Variants in TYR observed in about 807,000 individuals in gnomAD.
TYR encodes the protein LB24-AB.
A neutral mutation model predicts 51.5 loss-of-function variants in TYR; 58 were observed. The observed-to-expected ratio is 1.13, with a 90% confidence interval of 0.91 to 1.40. The LOEUF (loss-of-function observed/expected upper bound fraction) is 1.40, where lower values mean the gene tolerates loss of function less well. TYR is among the 40% of genes most tolerant of loss of function. TYR has a pLI of 0.00. For missense variants in TYR, 732 were observed against 647.4 expected, an observed-to-expected ratio of 1.13 and a Z score of -1.42; for synonymous variants, 263 against 235.2, an observed-to-expected ratio of 1.12 and a Z score of -1.08.
chr11:89,191,414 G>A lies in TYR; in HGVS notation c.1032G>A (p.Leu344=), dbSNP rs762432765. The A allele has an allele frequency of 1.9e-6, 3 of 1,612,808 alleles. No homozygotes were observed. Among genetic ancestry groups the A allele is most frequent in the Middle Eastern group, 1.7e-4 (1 of 6,052 alleles). The change falls in exon 2 of 5, where the codon CTG becomes CTA. Residue 344 remains leucine (L), a synonymous_variant. Transcript: ENST00000263321. ...CCAATTTCAGCTTTAGAAATACACT[G>A]GAAGGTAATCTCTTTCTTTTCACTT... ...KAANFSFRNT[L]EGFASPLTGI... is the part of the protein sequence containing the mutation.
intron 3 of TYR, among the ~76,000 whole-genome samples, chr11:89,237,763 A>C (rs1944137089): frequency 6.6e-6 from 1 of 152,130 alleles, no homozygotes; most frequent in African/African-American, 2.4e-5. Context: ...TTGAAACTGC[A>C]GATTGCTTTA....
rs182517099 is a variant in TYR, at chr11:89,247,483, C to G, written c.1184+19513C>G. Among the ~76,000 whole-genome samples, 50 of 152,150 alleles carry G rather than the reference C, an allele frequency of 3.3e-4. No individual in the cohort carries two copies. In the East Asian group the frequency reaches 9.3e-3, roughly 28 times the overall value. On this transcript the variant is annotated intron_variant, in intron 3 of 4. Transcript: ENST00000263321. The stretch of plus-strand genomic sequence containing the variant: ...TATAACTAACAACCTAAAGAATGTT[C>G]CTACAACAATGTAGCTGCTCTTTGT...
chr11:89,266,828 A>T (rs6483008), intron 3 of TYR, among the ~76,000 whole-genome samples: 16,733 of 151,906 alleles, frequency 0.11, 1,956 homozygotes, highest in African/African-American at 0.29. Flanking sequence ...TCATGTAGGT[A>T]ATTACATGAA....
At chr11:89,201,175 T>C (rs1943594285) in intron 2 of TYR, among the ~76,000 whole-genome samples, 1 of 152,178 alleles carries the variant, frequency 6.6e-6, no homozygotes. Flanking sequence ...TTATCAATTT[T>C]TCTTAATTTA....
intron 2 of TYR, among the ~76,000 whole-genome samples, chr11:89,212,784 A>G (rs193044664): frequency 9.5e-4 from 145 of 152,350 alleles, no homozygotes; most frequent in South Asian, 2.1e-3. Flanking sequence ...CTGGTTCAAC[A>G]TACACAAATC....
chr11:89,225,504 T>C (rs1943965481), intron 2 of TYR, among the ~76,000 whole-genome samples: 1 of 151,844 alleles, frequency 6.6e-6, no homozygotes, highest in Admixed American at 6.6e-5. Context: ...TTTTCAAATA[T>C]TTTAAGCATA....
At chr11:89,289,506 C>G (rs1176440764) in intron 4 of TYR, among the ~76,000 whole-genome samples, 6 of 151,970 alleles carry the variant, frequency 3.9e-5, no homozygotes, top group Middle Eastern at 3.4e-3. Flanking sequence ...CTCCATGATG[C>G]CTTTCTATCT....
At chr11:89,226,271 T>C (rs1943975519) in intron 2 of TYR, among the ~76,000 whole-genome samples, 1 of 152,124 alleles carries the variant, frequency 6.6e-6, no homozygotes, top group African/African-American at 2.4e-5. Context: ...GTCTAATTTG[T>C]TATTTTACCT....
At chr11:89,192,446 T>G (rs1375408219) in intron 2 of TYR, among the ~76,000 whole-genome samples, 1 of 152,108 alleles carries the variant, frequency 6.6e-6, no homozygotes, top group Non-Finnish European at 1.5e-5. Flanking sequence ...TGTGACACCT[T>G]AACATGTAGA....
intron 4 of TYR, among the ~76,000 whole-genome samples, chr11:89,292,320 G>A (rs575802985): frequency 1.3e-5 from 2 of 152,004 alleles, no homozygotes; most frequent in South Asian, 4.2e-4. Context: ...TTATATCAAT[G>A]ATGACAATAT....
intron 2 of TYR, among the ~76,000 whole-genome samples, chr11:89,200,800 T>C (rs923154139): frequency 6.6e-6 from 1 of 152,136 alleles, no homozygotes; most frequent in Non-Finnish European, 1.5e-5. Flanking sequence ...GTAATCAGAA[T>C]AGAGAGAAGT....
chr11:89,234,008 C>CTG lies in TYR; in HGVS notation c.1184+6041_1184+6042dup, dbSNP rs1200893453. Among the ~76,000 whole-genome samples the CTG allele has an allele frequency of 1.4e-5, 2 of 143,554 alleles. 1 individual carries two copies. Among genetic ancestry groups the CTG allele is most frequent in the African/African-American group, 5.5e-5 (2 of 36,346 alleles). 94.2% of individuals were successfully genotyped at this position (143,554 alleles called of 152,430 possible). On this transcript the variant is annotated intron_variant, in intron 3 of 4. Coordinates refer to ENST00000263321, the MANE Select transcript of TYR (RefSeq NM_000372.5). The stretch of plus-strand genomic sequence containing the variant: ...TTGAGCATTAATTTCTCCTTAGTAG[C>CTG]TGTGAAAGTTCTAGATGGCATATTC...
intron 2 of TYR, among the ~76,000 whole-genome samples, chr11:89,204,466 C>G (rs369265048): frequency 1.3e-5 from 2 of 151,784 alleles, no homozygotes; most frequent in Non-Finnish European, 2.9e-5. Context: ...TGATCTCAGC[C>G]CACTGCAACC....
At chr11:89,231,785 G>C (rs1382440626) in intron 3 of TYR, among the ~76,000 whole-genome samples, 1 of 141,186 alleles carries the variant, frequency 7.1e-6, no homozygotes, top group African/African-American at 2.8e-5. Context: ...GGAGTTCGAG[G>C]CCATGCTAGG....
intron 3 of TYR, among the ~76,000 whole-genome samples, chr11:89,247,768 G>A (rs1366953092): frequency 1.3e-5 from 2 of 152,194 alleles, no homozygotes; most frequent in Non-Finnish European, 2.9e-5. Flanking sequence ...CTGCAGATTA[G>A]GAGATCCTGG....
intron 1 of TYR, among the ~76,000 whole-genome samples, chr11:89,179,319 G>A (rs1215383241): frequency 6.6e-6 from 1 of 152,174 alleles, no homozygotes; most frequent in Non-Finnish European, 1.5e-5. Flanking sequence ...AATCAGGAAT[G>A]TTTGGGAAAT....
intron 2 of TYR, among the ~76,000 whole-genome samples, chr11:89,195,524 C>T (rs542816957): frequency 1.3e-5 from 2 of 151,998 alleles, no homozygotes; most frequent in South Asian, 4.2e-4. Flanking sequence ...ACTAAAAATA[C>T]AAAAATTAGC....
intron 4 of TYR, among the ~76,000 whole-genome samples, chr11:89,287,201 T>TA (rs1483370700): frequency 6.6e-6 from 1 of 151,876 alleles, no homozygotes; most frequent in African/African-American, 2.4e-5. Flanking sequence ...AAGCATCACA[T>TA]TGTATCTGGT....
Position 89,177,997 on chromosome 11 carries a change from C to T in TYR, c.44C>T (p.Thr15Ile), listed in dbSNP as rs776657313. ...VLYCLLWSFQ[T>I]SAGHFPRACV... is the part of the protein sequence containing the mutation. ...TACTGCCTGCTGTGGAGTTTCCAGA[C>T]CTCCGCTGGCCATTTCCCTAGAGCC... Residue 15 changes from threonine (T) to isoleucine (I), a missense_variant, in exon 1 of 5, where the codon ACC (threonine) becomes ATC (isoleucine). Thr to Ile is a moderately conservative substitution (Grantham distance 89). Coordinates refer to ENST00000263321, the MANE Select transcript of TYR (RefSeq NM_000372.5). 6 of 1,614,182 alleles carry T rather than the reference C, an allele frequency of 3.7e-6. No individual in the cohort carries two copies. The highest frequency in any genetic ancestry group is 5.1e-6 in the Non-Finnish European group (6 of 1,180,024).
Sources: allele counts gnomAD v4.1 joint callset (sites outside exome capture counted in the v4.1 genomes callset), GRCh38; gene constraint gnomAD v4.1.1; transcripts MANE v1.5; gene names NCBI Gene and HGNC (gene_info 2026-07-23, HGNC 2026-07-21).